The following ARSF variants were observed in gnomAD, a reference collection of about 807,000 sequenced individuals.
The protein encoded by ARSF is arylsulfatase F.
In ARSF, 33 loss-of-function variants were observed where a neutral mutation model predicts 35.4. The ratio of observed to expected loss-of-function variants is 0.93; its 90% confidence interval spans 0.71 to 1.25. The LOEUF is 1.25. Among genes scored for constraint, ARSF ranks in the 50% most tolerant of loss-of-function variants. ARSF has a pLI of 0.00. For synonymous variants in ARSF, 222 were observed against 193.1 expected (o/e 1.15, Z -1.24); for missense variants, 501 against 480.2 (o/e 1.04, Z -0.40).
At chrX:3,048,269 G>A (rs961421895) in intron 1 of ARSF, among the ~76,000 whole-genome samples, 14 of 112,335 alleles carry the variant, frequency 1.2e-4, no homozygotes, top group African/African-American at 4.2e-4. Context: ...TGTCAGGCAA[G>A]CCTGCCTCCC....
At chrX:3,050,705 G>T (rs1016668599) in intron 1 of ARSF, among the ~76,000 whole-genome samples, 1 of 110,945 alleles carries the variant, frequency 9.0e-6, no homozygotes, top group Non-Finnish European at 1.9e-5. Context: ...TCCCTTCTCC[G>T]CTGAGTCTTC....
intron 10 of ARSF, among the ~76,000 whole-genome samples, chrX:3,111,249 T>C (rs1179672812): frequency 9.0e-6 from 1 of 111,319 alleles, no homozygotes; most frequent in African/African-American, 3.3e-5. Context: ...AAATCAATTC[T>C]AGGCAGACTA....
intron 6 of ARSF, among the ~76,000 whole-genome samples, chrX:3,088,481 T>G (rs776487878): frequency 1.3e-3 from 140 of 111,457 alleles, no homozygotes; most frequent in Non-Finnish European, 2.2e-3. Context: ...ACCAATACAC[T>G]GAGGCAGCAG....
At chrX:3,111,702 T>C (rs5939454) in intron 10 of ARSF, among the ~76,000 whole-genome samples, 13,000 of 109,504 alleles carry the variant, frequency 0.12, 759 homozygotes, top group African/African-American at 0.22. Context: ...ATCATTATTA[T>C]ATTGTATTAC....
intron 1 of ARSF, among the ~76,000 whole-genome samples, chrX:3,053,262 T>G (rs1480095666): frequency 6.3e-5 from 7 of 111,225 alleles, no homozygotes; most frequent in African/African-American, 2.3e-4. Flanking sequence ...GATTTGCAGT[T>G]GTACATTGAG....
chrX:3,104,144 A>G (rs1246982822), intron 9 of ARSF, among the ~76,000 whole-genome samples: 2 of 111,698 alleles, frequency 1.8e-5, no homozygotes, highest in Non-Finnish European at 3.8e-5. Flanking sequence ...ATAATTTACC[A>G]TCTTTACCAT....
At chrX:3,078,752 G>A (rs1470678873) in intron 4 of ARSF, among the ~76,000 whole-genome samples, 7 of 111,195 alleles carry the variant, frequency 6.3e-5, no homozygotes, top group Non-Finnish European at 1.1e-4. Flanking sequence ...GGCCCACCTC[G>A]GCCTCCCAAA....
At chrX:3,075,686 A>C (rs2090141394) in intron 3 of ARSF, among the ~76,000 whole-genome samples, 1 of 89,356 alleles carries the variant, frequency 1.1e-5, no homozygotes, top group Admixed American at 1.2e-4. Context: ...ATCTCTTTCT[A>C]TGTCTGTCTC....
In ARSF at chrX:3,076,632, G is replaced by C. The variant is rs768868512; in HGVS notation, c.246G>C (p.Arg82=). 15 of 1,211,601 alleles carry C rather than the reference G, an allele frequency of 1.2e-5. No individual in the cohort carries two copies. The highest frequency in any genetic ancestry group is 1.7e-5 in the Non-Finnish European group (15 of 895,502). ...ISAASLCSPS[R]SAFLTGRYPI... ...CCGCCTCCCTCTGCAGCCCAAGCCG[G>C]TCCGCGTTCTTGACGGGAAGATACC... Residue 82 remains arginine (R), a synonymous_variant, in exon 4 of 11, where the codon CGG becomes CGC. Coordinates refer to ENST00000381127, the MANE Select transcript of ARSF (RefSeq NM_001201539.2).
chrX:3,088,334 CTT>C (rs1313842686), intron 6 of ARSF, among the ~76,000 whole-genome samples: 1 of 111,529 alleles, frequency 9.0e-6, no homozygotes, highest in East Asian at 2.8e-4. Context: ...CTGGATTTGA[CTT>C]TTCGCACTCG....
intron 1 of ARSF, among the ~76,000 whole-genome samples, chrX:3,056,947 C>G (rs774901833): frequency 9.9e-5 from 11 of 111,339 alleles, no homozygotes; most frequent in African/African-American, 3.6e-4. Context: ...ATCCTCTCTG[C>G]TGAGAGAGGA....
intron 8 of ARSF, 48 bp from the exon 9 acceptor site, chrX:3,103,714 C>G: frequency 8.4e-7 from 1 of 1,185,325 alleles, no homozygotes; most frequent in Non-Finnish European, 1.1e-6. Context: ...AATACAGTGA[C>G]TATTTTAACT....
chrX:3,092,021 A>G lies in ARSF; in HGVS notation c.967+2389A>G, dbSNP rs150866702. ...AATAGAAAGATGAATAAACAGATAT[A>G]TAGATGATAGATGGATAGATATATA... On this transcript the variant is annotated intron_variant, in intron 7 of 10. Transcript: ENST00000381127. Among the ~76,000 whole-genome samples, 866 of 111,323 alleles carry G rather than the reference A, an allele frequency of 7.8e-3. 11 individuals are homozygous for G. Among genetic ancestry groups the G allele is most frequent in the African/African-American group, 0.027 (816 of 30,683 alleles).
At chrX:3,097,821 G>T (rs997031482) in intron 7 of ARSF, among the ~76,000 whole-genome samples, 12 of 111,050 alleles carry the variant, frequency 1.1e-4, no homozygotes, top group Non-Finnish European at 1.9e-4. Flanking sequence ...ACCTGAGGTC[G>T]GGAGTTCGAG....
In ARSF at chrX:3,101,179, C is replaced by T. The variant is rs764500023; in HGVS notation, c.1060C>T (p.Arg354Ter). ...SDHGGHLEAR[R>*]GHAQLGGWNG... is the part of the protein sequence containing the mutation. ...TCACGGAGGGCATTTGGAAGCTAGG[C>T]GAGGGCATGCCCAACTTGGTGGATG... The change falls in exon 8 of 11, where the codon CGA (arginine) becomes TGA (stop). Residue 354 changes from arginine to a stop codon, truncating the protein, a stop_gained. Transcript: ENST00000381127. LOFTEE classifies it high-confidence loss of function. The T allele has an allele frequency of 5.8e-6, 7 of 1,210,846 alleles. No individual in the cohort carries two copies. Among genetic ancestry groups the T allele is most frequent in the Admixed American group, 4.4e-5 (2 of 45,924 alleles).
intron 7 of ARSF, among the ~76,000 whole-genome samples, chrX:3,099,949 T>A (rs920382941): frequency 8.9e-6 from 1 of 112,177 alleles, no homozygotes; most frequent in Admixed American, 9.5e-5. Context: ...GTTAATGTAA[T>A]GTTATCTGAG....
chrX:3,064,583 A>G (rs763495206), intron 1 of ARSF, among the ~76,000 whole-genome samples: 2 of 112,147 alleles, frequency 1.8e-5, no homozygotes, highest in South Asian at 7.5e-4. Flanking sequence ...CAAAATCTAC[A>G]AAGAACATAA....
At chrX:3,083,870 T>A (rs1252291424) in intron 5 of ARSF, among the ~76,000 whole-genome samples, 1 of 111,813 alleles carries the variant, frequency 8.9e-6, no homozygotes, top group Non-Finnish European at 1.9e-5. Context: ...TATTCTTCCA[T>A]CATCTGTAAC....
At chrX:3,042,189 T>G (rs1314456745) in intron 1 of ARSF, among the ~76,000 whole-genome samples, 4 of 112,099 alleles carry the variant, frequency 3.6e-5, no homozygotes, top group Non-Finnish European at 7.5e-5. Context: ...TATATATATT[T>G]AAAATTTTTG....
Sources: allele counts gnomAD v4.1 joint callset (sites outside exome capture counted in the v4.1 genomes callset), GRCh38; gene constraint gnomAD v4.1.1; transcripts MANE v1.5; gene names NCBI Gene and HGNC (gene_info 2026-07-23, HGNC 2026-07-21).